ARL15: variants seen among roughly 807,000 people sequenced by gnomAD.
ARL15 encodes the protein ADP-ribosylation factor-like protein 15.
Under a neutral mutation model 25.2 loss-of-function variants are expected in ARL15, and 19 were observed. The ratio of observed to expected loss-of-function variants is 0.75; its 90% CI spans 0.53 to 1.10. The LOEUF (loss-of-function observed/expected upper bound fraction) is 1.10. ARL15 is among the 50% of genes least tolerant of loss of function. The pLI is 0.00. For synonymous variants in ARL15, 94 were observed against 86.8 expected, an observed-to-expected ratio of 1.08 and a Z score of -0.46; for missense variants, 220 against 246.0, an observed-to-expected ratio of 0.89 and a Z score of 0.71.
intron 4 of ARL15, among the ~76,000 whole-genome samples, chr5:53,979,562 A>G (rs1476177662): frequency 6.6e-6 from 1 of 151,950 alleles, no homozygotes; most frequent in East Asian, 1.9e-4. Flanking sequence ...AAACCTAAAC[A>G]ACAACAACAA....
intron 4 of ARL15, among the ~76,000 whole-genome samples, chr5:53,921,633 G>A (rs773958631): frequency 7.2e-5 from 11 of 152,156 alleles, no homozygotes; most frequent in Non-Finnish European, 1.0e-4. Context: ...TTAGCTGGGT[G>A]TGGTGGAGTG....
rs974526839 is a variant in ARL15, at chr5:54,094,626, T to A, written c.462+18576A>T. On this transcript the variant is annotated intron_variant, in intron 4 of 4. Transcript: ENST00000504924. ...TCATTACCATTATCTACATGATTCA[T>A]TTTACCTACCTCTAAAAGAGAATTA... Among the ~76,000 whole-genome samples the A allele has an allele frequency of 2.6e-5, 4 of 152,282 alleles. No individual in the cohort carries two copies. The South Asian group carries it at 8.3e-4, about 32-fold the overall frequency.
At chr5:53,940,674 A>C (rs936111848) in intron 4 of ARL15, among the ~76,000 whole-genome samples, 2 of 152,200 alleles carry the variant, frequency 1.3e-5, no homozygotes. Context: ...TGGATTTTTT[A>C]AGAAGGGAGA....
chr5:54,253,747 C>T (rs1164620046), intron 1 of ARL15, among the ~76,000 whole-genome samples: 3 of 152,080 alleles, frequency 2.0e-5, no homozygotes, highest in South Asian at 2.1e-4. Context: ...CACACCACCA[C>T]GTCCAGCTAA....
intron 3 of ARL15, among the ~76,000 whole-genome samples, chr5:54,126,478 C>T (rs1366461482): frequency 6.6e-6 from 1 of 152,210 alleles, no homozygotes; most frequent in Non-Finnish European, 1.5e-5. Context: ...CAACTTACCT[C>T]TCCTCTATAA....
intron 1 of ARL15, among the ~76,000 whole-genome samples, chr5:54,280,399 CAGCTAA>C (rs1758025495): frequency 6.6e-6 from 1 of 152,198 alleles, no homozygotes; most frequent in Admixed American, 6.5e-5. Flanking sequence ...TCATCTGAGA[CAGCTAA>C]AGCAAAAGGT....
chr5:54,154,045 C>T (rs1192499139), intron 3 of ARL15, among the ~76,000 whole-genome samples: 1 of 152,062 alleles, frequency 6.6e-6, no homozygotes, highest in Non-Finnish European at 1.5e-5. Context: ...TAAAACACAA[C>T]CAAAAAATGC....
intron 4 of ARL15, among the ~76,000 whole-genome samples, chr5:54,028,195 A>G (rs1043948880): frequency 1.3e-5 from 2 of 152,184 alleles, no homozygotes; most frequent in African/African-American, 2.4e-5. Context: ...TGCTGGGATT[A>G]CAGGCATGAG....
intron 3 of ARL15, among the ~76,000 whole-genome samples, chr5:54,141,582 G>A (rs1368369197): frequency 6.6e-6 from 1 of 152,102 alleles, no homozygotes; most frequent in East Asian, 1.9e-4. Flanking sequence ...TATTTAACAT[G>A]TACAATTTGA....
intron 3 of ARL15, among the ~76,000 whole-genome samples, chr5:54,147,781 C>G (rs1753955166): frequency 6.6e-6 from 1 of 152,202 alleles, no homozygotes; most frequent in Admixed American, 6.5e-5. Flanking sequence ...ACCTGTCCCT[C>G]AAAGCAATGT....
chr5:53,936,955 CTG>C (rs1746365863), intron 4 of ARL15, among the ~76,000 whole-genome samples: 1 of 152,224 alleles, frequency 6.6e-6, no homozygotes, highest in Non-Finnish European at 1.5e-5. Context: ...AGGATAGAAA[CTG>C]TTCCTCCTTT....
At chr5:54,174,633 A>G (rs1368041149) in intron 1 of ARL15, among the ~76,000 whole-genome samples, 1 of 152,146 alleles carries the variant, frequency 6.6e-6, no homozygotes, top group Non-Finnish European at 1.5e-5. Flanking sequence ...ACCCTCTCCC[A>G]CAAGATTAAT....
intron 4 of ARL15, among the ~76,000 whole-genome samples, chr5:53,950,293 G>A (rs1746902663): frequency 6.6e-6 from 1 of 151,792 alleles, no homozygotes; most frequent in Non-Finnish European, 1.5e-5. Flanking sequence ...AAACGACTAT[G>A]CTCAAGGTAG....
At chr5:53,934,117 C>T (rs1746282527) in intron 4 of ARL15, among the ~76,000 whole-genome samples, 1 of 152,170 alleles carries the variant, frequency 6.6e-6, no homozygotes, top group Admixed American at 6.5e-5. Context: ...TTCCTATGCT[C>T]AGTACATGCA....
chr5:54,253,287 T>C (rs1419317786), intron 1 of ARL15, among the ~76,000 whole-genome samples: 1 of 152,088 alleles, frequency 6.6e-6, no homozygotes, highest in African/African-American at 2.4e-5. Flanking sequence ...CTCTTGGGCC[T>C]GAAAATTTAA....
At chr5:54,199,116 CCCTT>C (rs1253773984) in intron 1 of ARL15, among the ~76,000 whole-genome samples, 1 of 152,130 alleles carries the variant, frequency 6.6e-6, no homozygotes, top group Admixed American at 6.5e-5. Flanking sequence ...GAAACTGGAT[CCCTT>C]CCTTACATCT....
chr5:54,046,579 T>TG (rs1750523639), intron 4 of ARL15, among the ~76,000 whole-genome samples: 1 of 151,914 alleles, frequency 6.6e-6, no homozygotes, highest in South Asian at 2.1e-4. Context: ...CCAGTTTGAA[T>TG]GAAAAAAAGG....
chr5:54,192,073 G>A (rs1202520317), intron 1 of ARL15, among the ~76,000 whole-genome samples: 1 of 152,036 alleles, frequency 6.6e-6, no homozygotes, highest in African/African-American at 2.4e-5. Context: ...GCCCACGCTT[G>A]GTAACATCCA....
rs369161257 is a variant in ARL15, at chr5:53,967,880, C to T, written c.463-81167G>A. ...ACAATTGAATGTGGGGCCAAAGAAG[C>T]TATGAAGGAGGGAAATAGAGAAGTG... On this transcript the variant is annotated intron_variant, in intron 4 of 4. Transcript: ENST00000504924. Among the ~76,000 whole-genome samples, 121 of 152,126 alleles carry T rather than the reference C, an allele frequency of 8.0e-4. 2 individuals are homozygous for T. Among genetic ancestry groups the T allele is most frequent in the African/African-American group, 2.7e-3 (112 of 41,498 alleles).
Sources: gnomAD v4.1 joint callset for allele counts (sites outside exome capture counted in the v4.1 genomes callset) on GRCh38, gnomAD v4.1.1 for gene constraint, MANE v1.5 for transcripts, NCBI Gene and HGNC (gene_info 2026-07-23, HGNC 2026-07-21) for gene names.